ZC3H12C: variants seen among roughly 807,000 people sequenced by gnomAD.
The protein encoded by ZC3H12C is probable ribonuclease ZC3H12C.
In ZC3H12C, 20 loss-of-function variants were observed where a neutral mutation model predicts 76.3. The observed-to-expected ratio is 0.26, with a 90% CI of 0.18 to 0.38. The LOEUF is 0.38. Among genes scored for constraint, ZC3H12C ranks in the 10% least tolerant of loss-of-function variants. The probability of loss-of-function intolerance (pLI) is 1.00; values close to 1 mark genes in which losing one functional copy is unlikely to be tolerated. For missense variants in ZC3H12C, 874 were observed against 1,086.5 expected, an observed-to-expected ratio of 0.80 and a Z score of 2.75; for synonymous variants, 352 against 399.6, an observed-to-expected ratio of 0.88 and a Z score of 1.42.
chr11:110,117,807 C>T (rs186825403), intron 1 of ZC3H12C, among the ~76,000 whole-genome samples: 34 of 127,932 alleles, frequency 2.7e-4, no homozygotes, highest in African/African-American at 9.9e-4. Flanking sequence ...TATATATACA[C>T]ACATATATAT....
chr11:110,097,828 G>A (rs571632246), intron 1 of ZC3H12C, among the ~76,000 whole-genome samples: 15 of 152,226 alleles, frequency 9.9e-5, no homozygotes, highest in Admixed American at 5.9e-4. Context: ...AGTTCCTGTC[G>A]CCTAGTGATG....
At chr11:110,104,169 G>A (rs1018949282) in intron 1 of ZC3H12C, among the ~76,000 whole-genome samples, 1 of 151,614 alleles carries the variant, frequency 6.6e-6, no homozygotes, top group East Asian at 1.9e-4. Context: ...TCAACCTCTC[G>A]GGTAGCTGGG....
intron 1 of ZC3H12C, among the ~76,000 whole-genome samples, chr11:110,103,882 C>A (rs1330475336): frequency 2.0e-5 from 3 of 152,056 alleles, no homozygotes; most frequent in Admixed American, 6.5e-5. Flanking sequence ...GGATTACAGG[C>A]GTGAGCCACC....
chr11:110,108,518 T>G (rs2134151276), intron 1 of ZC3H12C, among the ~76,000 whole-genome samples: 1 of 152,344 alleles, frequency 6.6e-6, no homozygotes, highest in South Asian at 2.1e-4. Flanking sequence ...ACGATTAAGT[T>G]TAGTGGCATA....
intron 1 of ZC3H12C, among the ~76,000 whole-genome samples, chr11:110,115,742 CATTTTCTT>C: frequency 1.4e-5 from 2 of 141,242 alleles, no homozygotes; most frequent in Middle Eastern, 7.0e-3. Flanking sequence ...ACTGTTTTCT[CATTTTCTT>C]TTTTTTTTTT....
intron 1 of ZC3H12C, among the ~76,000 whole-genome samples, chr11:110,099,935 T>C (rs1205593256): frequency 1.3e-5 from 2 of 152,186 alleles, no homozygotes; most frequent in Non-Finnish European, 2.9e-5. Context: ...TATTAGATGA[T>C]AGTTAACTCT....
intron 3 of ZC3H12C, among the ~76,000 whole-genome samples, chr11:110,158,598 TTCTTA>T (rs1862421047): frequency 6.6e-6 from 1 of 151,984 alleles, no homozygotes; most frequent in African/African-American, 2.4e-5. Flanking sequence ...ACATGATGAC[TTCTTA>T]TCTTTTACTC....
intron 2 of ZC3H12C, among the ~76,000 whole-genome samples, chr11:110,145,145 A>G (rs1591479436): frequency 1.3e-5 from 2 of 152,266 alleles, no homozygotes; most frequent in South Asian, 2.1e-4. Context: ...GTAGGTGGCT[A>G]ATATAGTGCC....
intron 1 of ZC3H12C, among the ~76,000 whole-genome samples, chr11:110,133,967 T>C (rs927816691): frequency 2.0e-5 from 3 of 152,184 alleles, no homozygotes; most frequent in Non-Finnish European, 4.4e-5. Context: ...GTTGTATTTT[T>C]CATAAGGTAT....
intron 1 of ZC3H12C, among the ~76,000 whole-genome samples, chr11:110,113,109 T>C (rs1861465048): frequency 6.6e-6 from 1 of 152,192 alleles, no homozygotes; most frequent in African/African-American, 2.4e-5. Flanking sequence ...GCCAAACATA[T>C]GCTGTCATCT....
At chr11:110,163,238 AC>A (rs763116232) in intron 4 of ZC3H12C, 34 bp from the exon 5 acceptor site, 217 of 1,531,720 alleles carry the variant, frequency 1.4e-4, no homozygotes, top group Non-Finnish European at 1.9e-4. Context: ...TCAGCCTCCT[AC>A]TTAGGTATCA....
Position 110,160,066 on chromosome 11 carries a change from C to T in ZC3H12C, c.1148+576C>T, listed in dbSNP as rs531987144. On this transcript the variant is annotated intron_variant, in intron 4 of 5. Transcript: ENST00000278590. ...CTGAATACTGTAGGCAACTGTAATACGATGGTATGATATGTTTGTATATCT... is the reference window on the plus strand; with the variant it reads ...CTGAATACTGTAGGCAACTGTAATATGATGGTATGATATGTTTGTATATCT... Among the ~76,000 whole-genome samples the T allele has an allele frequency of 1.1e-4, 17 of 152,264 alleles. No homozygotes were observed. The South Asian group carries it at 2.3e-3, about 20-fold the overall frequency.
rs183928658 is a variant in ZC3H12C, at chr11:110,095,845, G to A, written c.21+2413G>A. On this transcript the variant is annotated intron_variant, in intron 1 of 5. Transcript: ENST00000278590. ...GCGCATGGGGCAGATGATAGGAGTA[G>A]TGAGTGGGTAAGTTGGCAAATAGAG... 2.2e-3 allele frequency among the ~76,000 whole-genome samples: 331 copies of A among 152,304 alleles called. 1 individual carries two copies. The highest frequency in any genetic ancestry group is 7.6e-3 in the African/African-American group (315 of 41,562).
rs1451418946 is a variant in ZC3H12C at position 110,165,233 on chromosome 11, C to A, written c.2148C>A (p.Gly716=). The A allele has an allele frequency of 3.7e-6, 6 of 1,613,852 alleles. No homozygotes were observed. The highest frequency in any genetic ancestry group is 5.1e-6 in the Non-Finnish European group (6 of 1,179,910). Residue 716 remains glycine (G), a synonymous_variant, in exon 6 of 6, where the codon GGC becomes GGA. Transcript: ENST00000278590. ...LALHLPHSAV[G]ARSSCPGDYP... The stretch of plus-strand genomic sequence containing the variant: ...TGCACCTGCCGCACTCCGCTGTGGG[C>A]GCCCGGTCCAGCTGTCCTGGCGACT...
rs567121314 is a variant in ZC3H12C, at chr11:110,162,006, C to T, written c.1149-1267C>T. ...AAAATTAGCTGGGCATAGTGGTGGGCGCCTGTAATTCCAGCTACTTGGGAG... is the reference window on the plus strand; with the variant it reads ...AAAATTAGCTGGGCATAGTGGTGGGTGCCTGTAATTCCAGCTACTTGGGAG... On this transcript the variant is annotated intron_variant, in intron 4 of 5. Coordinates refer to ENST00000278590, the MANE Select transcript of ZC3H12C (RefSeq NM_033390.2). 6.6e-5 allele frequency among the ~76,000 whole-genome samples: 10 copies of T among 152,158 alleles called. No individual in the cohort carries two copies. The East Asian group carries it at 1.2e-3, about 18-fold the overall frequency.
chr11:110,120,581 A>C (rs141068463), intron 1 of ZC3H12C, among the ~76,000 whole-genome samples: 1,583 of 152,324 alleles, frequency 0.01, 18 homozygotes, highest in Middle Eastern at 0.017. Flanking sequence ...GCTGGAACAT[A>C]TGCCTTGGGG....
intron 1 of ZC3H12C, among the ~76,000 whole-genome samples, chr11:110,118,555 G>A (rs949281383): frequency 6.6e-6 from 1 of 152,194 alleles, no homozygotes; most frequent in African/African-American, 2.4e-5. Flanking sequence ...CCAGTACTTT[G>A]GGGGGCCAAG....
At chr11:110,142,914 C>T (rs1247590986) in intron 2 of ZC3H12C, among the ~76,000 whole-genome samples, 1 of 152,192 alleles carries the variant, frequency 6.6e-6, no homozygotes, top group East Asian at 1.9e-4. Flanking sequence ...CTGTTTGGAA[C>T]ACAGCTTGAT....
intron 1 of ZC3H12C, among the ~76,000 whole-genome samples, chr11:110,102,679 A>G (rs765434768): frequency 4.6e-5 from 7 of 152,196 alleles, no homozygotes; most frequent in Non-Finnish European, 8.8e-5. Context: ...GTAAAATGCT[A>G]TCAAACAGCG....
Sources: allele counts gnomAD v4.1 joint callset (sites outside exome capture counted in the v4.1 genomes callset), GRCh38; gene constraint gnomAD v4.1.1; transcripts MANE v1.5; gene names NCBI Gene and HGNC (gene_info 2026-07-23, HGNC 2026-07-21).